Variants in STARD13 observed in about 807,000 individuals in gnomAD.
STARD13 encodes stAR-related lipid transfer protein 13.
Under a neutral mutation model 106.4 loss-of-function variants are expected in STARD13, and 62 were observed. That is an observed-to-expected ratio of 0.58 (90% CI 0.48 to 0.72). The LOEUF is 0.72. Ranked by LOEUF, STARD13 falls within the 30% of genes least tolerant of loss-of-function variation. STARD13 has a pLI of 0.00. For synonymous variants in STARD13, 565 were observed against 553.0 expected (o/e 1.02, Z -0.31); for missense variants, 1,387 against 1,424.0 (o/e 0.97, Z 0.42).
At chr13:33,244,224 T>G (rs11616911) in intron 1 of STARD13, among the ~76,000 whole-genome samples, 134 of 151,470 alleles carry the variant, frequency 8.8e-4, no homozygotes, top group Non-Finnish European at 1.5e-3. Flanking sequence ...AGGAGGAGAG[T>G]TAGTAAGTTC....
chr13:33,412,658 A>G, the STARD13 span, among the ~76,000 whole-genome samples: 1 of 152,194 alleles, frequency 6.6e-6, no homozygotes, highest in Admixed American at 6.5e-5. Context: ...TAATTGAAAG[A>G]AAAAACTATA....
the STARD13 span, among the ~76,000 whole-genome samples, chr13:33,364,656 G>A: frequency 5.9e-5 from 9 of 152,322 alleles, no homozygotes; most frequent in South Asian, 1.2e-3. Flanking sequence ...TTGGGAGGCC[G>A]AGGCGGGTGG....
chr13:33,121,267 T>A (rs562594089), intron 7 of STARD13, among the ~76,000 whole-genome samples: 14 of 152,254 alleles, frequency 9.2e-5, no homozygotes, highest in Admixed American at 4.6e-4. Flanking sequence ...AATAATCATT[T>A]CTTCTTCAGA....
intron 1 of STARD13, among the ~76,000 whole-genome samples, chr13:33,253,941 G>A (rs1351897594): frequency 6.6e-6 from 1 of 152,242 alleles, no homozygotes; most frequent in East Asian, 1.9e-4. Context: ...GGAACACCCT[G>A]TCCAGGTGTG....
At chr13:33,468,246 G>A in the STARD13 span, among the ~76,000 whole-genome samples, 1 of 152,150 alleles carries the variant, frequency 6.6e-6, no homozygotes, top group East Asian at 1.9e-4. Context: ...ACCTGATTAT[G>A]ATTAAAGAAA....
At chr13:33,212,065 C>T (rs1320911027) in intron 1 of STARD13, among the ~76,000 whole-genome samples, 5 of 152,098 alleles carry the variant, frequency 3.3e-5, no homozygotes, top group Admixed American at 1.3e-4. Context: ...AACAAATTAG[C>T]TCAGTGGAAC....
the STARD13 span, among the ~76,000 whole-genome samples, chr13:33,464,778 G>A: frequency 1.3e-5 from 2 of 152,296 alleles, no homozygotes; most frequent in South Asian, 4.1e-4. Context: ...GAACTCGGAA[G>A]GCGGAGGTTG....
intron 1 of STARD13, among the ~76,000 whole-genome samples, chr13:33,246,772 G>T (rs916831327): frequency 6.6e-6 from 1 of 152,182 alleles, no homozygotes; most frequent in African/African-American, 2.4e-5. Context: ...GATTTCAAAA[G>T]CAAAAAGAAT....
At position 33,220,560 on chromosome 13, in the gene STARD13, C is replaced by T. The variant is rs7319541; in HGVS notation, c.170-52938G>A. On this transcript the variant is annotated intron_variant, in intron 1 of 13. Coordinates refer to ENST00000336934, the MANE Select transcript of STARD13 (RefSeq NM_178006.4). ...ACAAAAAATTAGCCGGGTGTGGTGG[C>T]GGGTGCCTGTAGTCCCAGCCACTTG... Among the ~76,000 whole-genome samples the T allele has an allele frequency of 6.4e-3, 975 of 152,154 alleles. 12 individuals are homozygous for T. Among genetic ancestry groups the T allele is most frequent in the African/African-American group, 0.022 (923 of 41,510 alleles).
chr13:33,234,619 T>C (rs1313627298), intron 1 of STARD13, among the ~76,000 whole-genome samples: 1 of 152,246 alleles, frequency 6.6e-6, no homozygotes, highest in Non-Finnish European at 1.5e-5. Context: ...ATAACTTTTT[T>C]TGATGAAAGC....
At chr13:33,244,087 G>C (rs1274613193) in intron 1 of STARD13, among the ~76,000 whole-genome samples, 1 of 150,122 alleles carries the variant, frequency 6.7e-6, no homozygotes, top group Admixed American at 6.6e-5. Flanking sequence ...ATGCCAACAT[G>C]ATGCTCAAAG....
intron 1 of STARD13, among the ~76,000 whole-genome samples, chr13:33,242,984 C>G (rs1174077883): frequency 6.6e-6 from 1 of 152,152 alleles, no homozygotes; most frequent in Non-Finnish European, 1.5e-5. Flanking sequence ...TTCCAAACTG[C>G]TGGCTCCTGC....
At chr13:33,386,469 AG>A in the STARD13 span, among the ~76,000 whole-genome samples, 2 of 152,076 alleles carry the variant, frequency 1.3e-5, no homozygotes, top group Non-Finnish European at 2.9e-5. Flanking sequence ...CTTCTCCAGG[AG>A]GGCACATTGC....
At chr13:33,365,842 C>G in the STARD13 span, among the ~76,000 whole-genome samples, 2 of 152,170 alleles carry the variant, frequency 1.3e-5, no homozygotes, top group Non-Finnish European at 2.9e-5. Context: ...TTCACTTGAG[C>G]CATTAATTGC....
intron 1 of STARD13, among the ~76,000 whole-genome samples, chr13:33,292,782 A>G (rs1455336849): frequency 1.3e-5 from 2 of 152,082 alleles, no homozygotes; most frequent in Non-Finnish European, 2.9e-5. Flanking sequence ...GTCTTCGAAA[A>G]CCGTGGTTCA....
chr13:33,657,603 C>T, the STARD13 span: 3 of 152,210 alleles, frequency 2.0e-5, no homozygotes, highest in Non-Finnish European at 4.4e-5. Context: ...TATAGAGAAA[C>T]GGATGTAGTT....
the STARD13 span, among the ~76,000 whole-genome samples, chr13:33,625,083 G>A: frequency 2.0e-5 from 3 of 152,228 alleles, no homozygotes; most frequent in Non-Finnish European, 2.9e-5. Context: ...CTTCTGAGGG[G>A]CAGAGCAGAG....
At chr13:33,382,759 A>G in the STARD13 span, among the ~76,000 whole-genome samples, 1 of 152,234 alleles carries the variant, frequency 6.6e-6, no homozygotes, top group Non-Finnish European at 1.5e-5. Flanking sequence ...ACAGAAGAAC[A>G]TGATTACATT....
chr13:33,589,374 C>G, the STARD13 span, among the ~76,000 whole-genome samples: 1 of 152,084 alleles, frequency 6.6e-6, no homozygotes. Context: ...TTCTGTAGTT[C>G]TTTTAATTGT....
Sources: allele counts gnomAD v4.1 joint callset (sites outside exome capture counted in the v4.1 genomes callset), GRCh38; gene constraint gnomAD v4.1.1; transcripts MANE v1.5; gene names NCBI Gene and HGNC (gene_info 2026-07-23, HGNC 2026-07-21).